Variants in LCMT1 observed in about 807,000 individuals in gnomAD.
The protein encoded by LCMT1 is [Phosphatase 2A protein]-leucine-carboxy methyltransferase 1.
Under a neutral mutation model 47.7 loss-of-function variants are expected in LCMT1, and 32 were observed. The ratio of observed to expected loss-of-function variants is 0.67; its 90% CI spans 0.51 to 0.90. LCMT1 has a LOEUF of 0.90. LCMT1 is among the 40% of genes least tolerant of loss of function. LCMT1 has a pLI of 0.00. For synonymous variants in LCMT1, 152 were observed against 149.7 expected (o/e 1.02, Z -0.11); for missense variants, 375 against 415.2 (o/e 0.90, Z 0.84).
At chr16:25,126,641 G>C (rs112903865) in intron 1 of LCMT1, among the ~76,000 whole-genome samples, 1 of 152,198 alleles carries the variant, frequency 6.6e-6, no homozygotes, top group South Asian at 2.1e-4. Context: ...TACACTAGTC[G>C]TATTGAACAG....
At chr16:25,166,269 CAAAAAAAAA>C (rs371727353) in intron 7 of LCMT1, among the ~76,000 whole-genome samples, 1 of 96,358 alleles carries the variant, frequency 1.0e-5, no homozygotes, top group Non-Finnish European at 2.1e-5. Context: ...GACGCCATCT[CAAAAAAAAA>C]AAAAAAAGAA....
At chr16:25,112,221 T>C (rs1044533403) in intron 1 of LCMT1, among the ~76,000 whole-genome samples, 1 of 152,172 alleles carries the variant, frequency 6.6e-6, no homozygotes, top group African/African-American at 2.4e-5. Context: ...CTGGGTATCG[T>C]CGATGGGAGC....
chr16:25,133,368 T>G (rs932802186), intron 3 of LCMT1, among the ~76,000 whole-genome samples: 4 of 149,456 alleles, frequency 2.7e-5, no homozygotes, highest in Admixed American at 2.0e-4. Flanking sequence ...AGTGTGGTCT[T>G]TGGCTCCTGG....
At chr16:25,128,153 A>T (rs1486586539) in intron 1 of LCMT1, among the ~76,000 whole-genome samples, 3 of 152,190 alleles carry the variant, frequency 2.0e-5, no homozygotes, top group African/African-American at 4.8e-5. Context: ...AGAGTGAATA[A>T]ATGGCTGCAC....
rs545818564 is a variant in LCMT1, at chr16:25,169,926, G to A, written c.792+713G>A. 7.2e-5 allele frequency among the ~76,000 whole-genome samples: 11 copies of A among 152,016 alleles called. No individual in the cohort carries two copies. The South Asian group carries it at 1.0e-3, about 14-fold the overall frequency. ...TCCCACCCCGCCCCCATATAAGTAG[G>A]TTCATTTTTTTGGGCGGGCGCGGTG... is the stretch of plus-strand genomic sequence containing the variant. On this transcript the variant is annotated intron_variant, in intron 8 of 10. Coordinates refer to ENST00000399069, the MANE Select transcript of LCMT1 (RefSeq NM_016309.3).
intron 7 of LCMT1, among the ~76,000 whole-genome samples, chr16:25,168,612 A>T (rs939021062): frequency 6.6e-6 from 1 of 152,102 alleles, no homozygotes; most frequent in Non-Finnish European, 1.5e-5. Context: ...ACATAGAGAG[A>T]TTCTTTTTTT....
chr16:25,164,733 A>G lies in LCMT1; in HGVS notation c.690+15A>G. 1 of 1,613,942 alleles carries G rather than the reference A, an allele frequency of 6.2e-7. No individual in the cohort carries two copies. Among genetic ancestry groups the G allele is most frequent in the Non-Finnish European group, 8.5e-7 (1 of 1,179,824 alleles). ...ACTACGAACAGGTAAAAGGAAGCAC[A>G]GGAGAACTGGATTCCATACAGGATC... On this transcript the variant is annotated intron_variant, in intron 7 of 10. Transcript: ENST00000399069.
chr16:25,127,641 A>T (rs1429243677), intron 1 of LCMT1, among the ~76,000 whole-genome samples: 2 of 152,236 alleles, frequency 1.3e-5, no homozygotes, highest in East Asian at 3.8e-4. Flanking sequence ...GGCATTACTC[A>T]GGGTATCATT....
At chr16:25,159,226 G>A (rs1398607260) in intron 5 of LCMT1, among the ~76,000 whole-genome samples, 2 of 152,162 alleles carry the variant, frequency 1.3e-5, no homozygotes, top group African/African-American at 4.8e-5. Context: ...AGTTACACAG[G>A]CATTTTGGAA....
intron 1 of LCMT1, among the ~76,000 whole-genome samples, chr16:25,124,482 G>A (rs1960097067): frequency 6.6e-6 from 1 of 152,220 alleles, no homozygotes; most frequent in South Asian, 2.1e-4. Flanking sequence ...AGTCAAGCCT[G>A]CCTTGTAGGA....
intron 1 of LCMT1, among the ~76,000 whole-genome samples, chr16:25,122,495 A>T (rs1019795536): frequency 6.6e-6 from 1 of 151,528 alleles, no homozygotes; most frequent in Non-Finnish European, 1.5e-5. Context: ...ATTTATTTTT[A>T]TTTTTTTATT....
intron 4 of LCMT1, chr16:25,144,975 C>G (rs1449227505): frequency 6.6e-6 from 1 of 152,202 alleles, no homozygotes; most frequent in Non-Finnish European, 1.5e-5. Context: ...GTTGACATTT[C>G]TTCTCCCAGT....
intron 1 of LCMT1, among the ~76,000 whole-genome samples, chr16:25,122,375 G>T (rs916515631): frequency 5.9e-5 from 9 of 152,108 alleles, no homozygotes; most frequent in African/African-American, 2.2e-4. Flanking sequence ...GCACAATCTT[G>T]GGTCACTGCA....
At chr16:25,132,858 C>CTT (rs34311865) in intron 3 of LCMT1, among the ~76,000 whole-genome samples, 6 of 140,606 alleles carry the variant, frequency 4.3e-5, no homozygotes, top group South Asian at 2.2e-4. Flanking sequence ...GCATTTGTAA[C>CTT]TTTTTTTTTT....
chr16:25,151,696 G>GGGGT (rs1555484244), intron 5 of LCMT1, 81 bp downstream of exon 5: 7 of 600,590 alleles, frequency 1.2e-5, no homozygotes, highest in East Asian at 6.3e-5. Flanking sequence ...GTTTGTGTTG[G>GGGGT]GTGTGTGTGT....
chr16:25,118,045 T>A (rs924797844), intron 1 of LCMT1, among the ~76,000 whole-genome samples: 29 of 152,140 alleles, frequency 1.9e-4, no homozygotes, highest in Non-Finnish European at 2.9e-4. Flanking sequence ...ATGGTACTAG[T>A]CTCCCAAATG....
At chr16:25,157,150 T>TTGTGTGTG (rs36066156) in intron 5 of LCMT1, among the ~76,000 whole-genome samples, 48 of 149,966 alleles carry the variant, frequency 3.2e-4, no homozygotes, top group African/African-American at 1.1e-3. Context: ...ACACCAGCAC[T>TTGTGTGTG]TGTGTGTGTG....
intron 4 of LCMT1, chr16:25,142,884 G>A (rs555690757): frequency 1.3e-5 from 2 of 152,346 alleles, no homozygotes; most frequent in East Asian, 3.9e-4. Flanking sequence ...GGCGAGTCTG[G>A]AAACATTTAG....
chr16:25,172,189 C>T lies in LCMT1; in HGVS notation c.884+1384C>T, dbSNP rs186382381. 1.8e-4 allele frequency among the ~76,000 whole-genome samples: 27 copies of T among 152,026 alleles called. No individual in the cohort carries two copies. The East Asian group carries it at 5.0e-3, about 28-fold the overall frequency. On this transcript the variant is annotated intron_variant, in intron 9 of 10. Transcript: ENST00000399069. ...GGGCATGGTGGCGGGCGCCTGTAAT[C>T]CCAGTTACTTGGGAGGCTGAGGCAG...
Sources: allele counts gnomAD v4.1 joint callset (sites outside exome capture counted in the v4.1 genomes callset), GRCh38; gene constraint gnomAD v4.1.1; transcripts MANE v1.5; gene names NCBI Gene and HGNC (gene_info 2026-07-23, HGNC 2026-07-21).